Variants in COL24A1 observed in about 807,000 individuals in gnomAD.
COL24A1 encodes the protein collagen type XXIV alpha 1 chain.
A neutral mutation model predicts 253.9 loss-of-function variants in COL24A1; 224 were observed. That is an observed-to-expected ratio of 0.88 (90% CI 0.79 to 0.99). COL24A1 has a LOEUF of 0.99. Ranked by LOEUF, COL24A1 falls within the 50% of genes least tolerant of loss-of-function variation. The pLI is 0.00. For synonymous variants in COL24A1, 685 were observed against 673.7 expected (o/e 1.02, Z -0.26); for missense variants, 2,131 against 2,068.5 (o/e 1.03, Z -0.59).
At chr1:85,847,025 A>C (rs1410183634) in intron 39 of COL24A1, among the ~76,000 whole-genome samples, 1 of 152,172 alleles carries the variant, frequency 6.6e-6, no homozygotes, top group South Asian at 2.1e-4. Context: ...AAGCCTATGA[A>C]ACAGAAGACT....
chr1:85,924,834 A>G (rs946472134), intron 24 of COL24A1, among the ~76,000 whole-genome samples: 4 of 152,140 alleles, frequency 2.6e-5, no homozygotes, highest in African/African-American at 7.2e-5. Flanking sequence ...CAATCAGGCA[A>G]GAGAAAGAAA....
In COL24A1 at chr1:86,108,642, AAAAAAAAAT is replaced by A. The variant is rs1208901528; in HGVS notation, c.1599+3916_1599+3924del. On this transcript the variant is annotated intron_variant, in intron 5 of 59. Transcript: ENST00000370571. ...TACTAAAAAAAAAAAAAAAAAAAAAAAAAAAAAATTTTAAATTAGCCAGGCATGGTGGCA... is the reference window on the plus strand; with the variant it reads ...TACTAAAAAAAAAAAAAAAAAAAAAATTTAAATTAGCCAGGCATGGTGGCA... Among the ~76,000 whole-genome samples, 562 of 147,278 alleles carry A rather than the reference AAAAAAAAAT, an allele frequency of 3.8e-3. 8 individuals are homozygous for A. Among genetic ancestry groups the A allele is most frequent in the African/African-American group, 0.013 (510 of 40,698 alleles).
chr1:86,022,214 A>G, intron 18 of COL24A1, 26 bp downstream of exon 18: 2 of 1,607,656 alleles, frequency 1.2e-6, no homozygotes, highest in Non-Finnish European at 1.7e-6. Flanking sequence ...TCAATTACAA[A>G]GAGCAAAGCA....
At position 85,929,664 on chromosome 1, in the gene COL24A1, A is replaced by T. The variant is rs1294418651; in HGVS notation, c.2563-18231T>A. On this transcript the variant is annotated intron_variant, in intron 24 of 59. Coordinates refer to ENST00000370571, the MANE Select transcript of COL24A1 (RefSeq NM_152890.7). ...AGCACCACACCACACCTATTCCAAA[A>T]TTGACCACATAGTTGGAAGTAAAGC... is the stretch of plus-strand genomic sequence containing the variant. 8.1e-5 allele frequency among the ~76,000 whole-genome samples: 3 copies of T among 37,244 alleles called. No individual in the cohort carries two copies. The East Asian group carries it at 2.8e-3, about 35-fold the overall frequency. 24.4% of individuals were successfully genotyped at this position (37,244 alleles called of 152,430 possible).
chr1:85,831,182 A>C (rs1675235366), intron 43 of COL24A1, among the ~76,000 whole-genome samples: 1 of 152,096 alleles, frequency 6.6e-6, no homozygotes, highest in African/African-American at 2.4e-5. Context: ...CAGAGCCAGC[A>C]ATTAACAGAA....
intron 5 of COL24A1, among the ~76,000 whole-genome samples, chr1:86,103,652 C>G (rs892030752): frequency 1.3e-5 from 2 of 152,260 alleles, no homozygotes; most frequent in African/African-American, 2.4e-5. Context: ...CTTAGTTTGG[C>G]TGGATACAAA....
chr1:85,777,420 C>G (rs977543037), intron 52 of COL24A1, among the ~76,000 whole-genome samples: 9 of 151,938 alleles, frequency 5.9e-5, no homozygotes, highest in Non-Finnish European at 1.0e-4. Flanking sequence ...ATATTGGAAT[C>G]ATATTATATA....
intron 39 of COL24A1, among the ~76,000 whole-genome samples, chr1:85,845,062 C>T (rs535327220): frequency 1.3e-5 from 2 of 151,928 alleles, no homozygotes; most frequent in African/African-American, 2.4e-5. Flanking sequence ...CTTACAAATA[C>T]AAATGCAAAA....
At chr1:86,016,445 T>C (rs1425324765) in intron 19 of COL24A1, among the ~76,000 whole-genome samples, 2 of 152,222 alleles carry the variant, frequency 1.3e-5, no homozygotes, top group Non-Finnish European at 2.9e-5. Flanking sequence ...CTAAATTAAA[T>C]ATGTATGTAC....
At chr1:85,913,727 G>C (rs1685594379) in intron 24 of COL24A1, among the ~76,000 whole-genome samples, 2 of 152,150 alleles carry the variant, frequency 1.3e-5, no homozygotes, top group African/African-American at 4.8e-5. Context: ...TAAAATACAG[G>C]AGATCCCTTA....
intron 10 of COL24A1, among the ~76,000 whole-genome samples, chr1:86,056,536 A>C (rs1053695328): frequency 6.6e-6 from 1 of 152,200 alleles, no homozygotes; most frequent in Non-Finnish European, 1.5e-5. Flanking sequence ...ATATTGTTTA[A>C]ATACCTTATG....
chr1:86,117,787 A>G (rs1160644581), intron 3 of COL24A1, among the ~76,000 whole-genome samples: 1 of 152,186 alleles, frequency 6.6e-6, no homozygotes, highest in Non-Finnish European at 1.5e-5. Flanking sequence ...TTTAACTTTC[A>G]GATTATTTGT....
chr1:85,853,407 A>C (rs977529809), intron 37 of COL24A1, among the ~76,000 whole-genome samples: 6 of 151,804 alleles, frequency 4.0e-5, no homozygotes, highest in Admixed American at 1.3e-4. Flanking sequence ...TGTCTTTGCT[A>C]TTGTGAATGG....
chr1:85,997,660 G>A (rs145778169), intron 19 of COL24A1, among the ~76,000 whole-genome samples: 2,593 of 151,874 alleles, frequency 0.017, 30 homozygotes, highest in Middle Eastern at 0.068. Flanking sequence ...ACATGCGCCT[G>A]TAGTCCCAAC....
Position 86,017,213 on chromosome 1 carries a change from G to A in COL24A1, c.2257-9C>T, listed in dbSNP as rs749245436. On this transcript the variant is annotated splice_polypyrimidine_tract_variant and intron_variant, in intron 18 of 59. Coordinates refer to ENST00000370571, the MANE Select transcript of COL24A1 (RefSeq NM_152890.7). ...GGGTCACCTGTTTGGCCCTAAAATGGGGGGGGAGGATCAAAGTATAAACAT... is the reference window on the plus strand; with the variant it reads ...GGGTCACCTGTTTGGCCCTAAAATGAGGGGGGAGGATCAAAGTATAAACAT... The A allele has an allele frequency of 4.5e-6, 7 of 1,550,466 alleles. No individual in the cohort carries two copies. The highest frequency in any genetic ancestry group is 1.5e-5 in the African/African-American group (1 of 66,198).
Position 85,816,913 on chromosome 1 carries a change from A to G in COL24A1, c.3844-18T>C. ...TGAAGTCCCTTGATAATTAAAAATT[A>G]TTTGGATTGTAGAGATGCTGAAAAG... On this transcript the variant is annotated intron_variant, in intron 46 of 59. Coordinates refer to ENST00000370571, the MANE Select transcript of COL24A1 (RefSeq NM_152890.7). 2 of 1,559,372 alleles carry G rather than the reference A, an allele frequency of 1.3e-6. No individual in the cohort carries two copies. The highest frequency in any genetic ancestry group is 1.8e-6 in the Non-Finnish European group (2 of 1,130,816).
chr1:85,868,798 C>T lies in COL24A1; in HGVS notation c.3176G>A (p.Gly1059Glu), dbSNP rs533684198. The change falls in exon 36 of 60, where the codon GGA becomes GAA. Residue 1059 changes from glycine to glutamate, a missense_variant. Physicochemically the swap from Gly to Glu is moderately conservative, Grantham distance 98. Transcript: ENST00000370571. ...PGAPGEEGLQGKDGLKGVPGG... is the reference protein window; with the variant it reads ...PGAPGEEGLQEKDGLKGVPGG... ...ATAATTTACCTTTAACCCATCTTTT[C>T]CCTGGAGACCTTCTTCTCCAGGAGC... The T allele has an allele frequency of 1.0e-5, 16 of 1,586,106 alleles. No homozygotes were observed. The South Asian group carries it at 1.9e-4, about 19-fold the overall frequency.
At chr1:85,891,360 G>A (rs1001246947) in intron 31 of COL24A1, among the ~76,000 whole-genome samples, 3 of 151,758 alleles carry the variant, frequency 2.0e-5, no homozygotes, top group Non-Finnish European at 4.4e-5. Context: ...CTCTGCGCCC[G>A]GCCGTAAGTT....
intron 33 of COL24A1, 56 bp from the exon 34 acceptor site, chr1:85,875,386 G>T: frequency 1.4e-6 from 2 of 1,409,032 alleles, no homozygotes; most frequent in Non-Finnish European, 2.0e-6. Context: ...ATGAGAAGAT[G>T]GTGGTAACAC....
Sources: allele counts gnomAD v4.1 joint callset (sites outside exome capture counted in the v4.1 genomes callset), GRCh38; gene constraint gnomAD v4.1.1; transcripts MANE v1.5; gene names NCBI Gene and HGNC (gene_info 2026-07-23, HGNC 2026-07-21).